The following SLC2A5 variants were observed in gnomAD, a reference collection of about 807,000 sequenced individuals.
SLC2A5 encodes the protein solute carrier family 2 member 5.
Under a neutral mutation model 50.3 loss-of-function variants are expected in SLC2A5, and 56 were observed. That is an observed-to-expected ratio of 1.11 (90% CI 0.90 to 1.39). The LOEUF (loss-of-function observed/expected upper bound fraction) is 1.39. Ranked by LOEUF, SLC2A5 falls within the 40% of genes most tolerant of loss-of-function variation. SLC2A5 has a pLI of 0.00. For missense variants in SLC2A5, 566 were observed against 650.1 expected (o/e 0.87, Z 1.41); for synonymous variants, 269 against 281.9 (o/e 0.95, Z 0.46).
chr1:9,071,295 AGCTACTTGGGAG>A (rs1260863286), upstream of SLC2A5, among the ~76,000 whole-genome samples: 2 of 152,172 alleles, frequency 1.3e-5, no homozygotes, highest in Non-Finnish European at 2.9e-5. Flanking sequence ...CTGTAATCCC[AGCTACTTGGGAG>A]GCTGAGGCAG....
At position 9,064,280 on chromosome 1, in the gene SLC2A5, A is replaced by ATTT. The variant is rs573194097; in HGVS notation, c.33+5221_33+5223dup. On this transcript the variant is annotated intron_variant, in intron 1 of 11. Coordinates refer to ENST00000377424, the MANE Select transcript of SLC2A5 (RefSeq NM_003039.3). ...CTTTCCAGGAGGGAGAACAAAAAGA[A>ATTT]TTTGGTACTGGGCTGGATTAGGGCA... Among the ~76,000 whole-genome samples, 656 of 152,226 alleles carry ATTT rather than the reference A, an allele frequency of 4.3e-3. 2 individuals carry two copies. Among genetic ancestry groups the ATTT allele is most frequent in the Non-Finnish European group, 7.0e-3 (475 of 68,004 alleles).
Position 9,035,406 on chromosome 1 carries a change from G to A in SLC2A5, c.*2180C>T, listed in dbSNP as rs1338821547. On this transcript the variant is annotated 3_prime_UTR_variant, in exon 12 of 12. Coordinates refer to ENST00000377424, the MANE Select transcript of SLC2A5 (RefSeq NM_003039.3). ...CAGGCTGCAGATCCTTGCTGCAGAAGGCCAAGGATGGTTCAACCACAGTGT... is the reference window on the plus strand; with the variant it reads ...CAGGCTGCAGATCCTTGCTGCAGAAAGCCAAGGATGGTTCAACCACAGTGT... 1 of 152,264 alleles carries A rather than the reference G, an allele frequency of 6.6e-6. No homozygotes were observed. The highest frequency in any genetic ancestry group is 1.5e-5 in the Non-Finnish European group (1 of 68,090). The allele number at this position is 152,264 out of a possible 1,614,324, so 9.4% of individuals were successfully genotyped here. A position where few individuals can be genotyped will look rare whatever the true frequency, so the allele number is the denominator to read the frequency against.
chr1:9,046,309 T>G (rs934353681), intron 4 of SLC2A5, among the ~76,000 whole-genome samples: 1 of 152,166 alleles, frequency 6.6e-6, no homozygotes, highest in Non-Finnish European at 1.5e-5. Context: ...CTGGCACGGC[T>G]CTACCCCTCA....
intron 2 of SLC2A5, among the ~76,000 whole-genome samples, chr1:9,077,593 A>AG (rs1408618979): frequency 1.3e-5 from 2 of 151,484 alleles, no homozygotes; most frequent in African/African-American, 2.4e-5. Context: ...ATACAAAAAA[A>AG]AAAAGAAAAA....
At position 9,057,727 on chromosome 1, in the gene SLC2A5, C is replaced by T. The variant is rs79114714; in HGVS notation, c.133-119G>A. 31,661 of 830,652 alleles carry T rather than the reference C, an allele frequency of 0.038. 756 individuals carry two copies. Among genetic ancestry groups the T allele is most frequent in the Middle Eastern group, 0.079 (260 of 3,282 alleles). 51.5% of individuals were successfully genotyped at this position (830,652 alleles called of 1,614,324 possible). A position where few individuals can be genotyped will look rare whatever the true frequency, so the allele number is the denominator to read the frequency against. On this transcript the variant is annotated intron_variant, in intron 2 of 11. Transcript: ENST00000377424. ...GCACACAGAGACCAACCTTATTAAC[C>T]GGGGGGTGATGGGAGGCAGGACAGA...
At chr1:9,044,439 GTT>G (rs1641388753) in intron 4 of SLC2A5, among the ~76,000 whole-genome samples, 1 of 152,208 alleles carries the variant, frequency 6.6e-6, no homozygotes. Context: ...CTGTGAGCAT[GTT>G]CCAGTAAAAG....
chr1:9,058,017 C>G, intron 2 of SLC2A5, 135 bp downstream of exon 2: 1 of 666,804 alleles, frequency 1.5e-6, no homozygotes, highest in Non-Finnish European at 2.7e-6. Context: ...CGGGTCTGTG[C>G]TGTGTCCGGA....
chr1:9,047,558 C>A, intron 4 of SLC2A5, 52 bp downstream of exon 4: 1 of 1,593,692 alleles, frequency 6.3e-7, no homozygotes, highest in Non-Finnish European at 8.6e-7. Flanking sequence ...AACCTGTTGT[C>A]CTCCTCCTTG....
chr1:9,075,500 C>T (rs1392649281), intron 2 of SLC2A5, among the ~76,000 whole-genome samples: 1 of 152,154 alleles, frequency 6.6e-6, no homozygotes, highest in Non-Finnish European at 1.5e-5. Flanking sequence ...CTACAACTGT[C>T]TTGGTAAATT....
At chr1:9,054,796 C>T (rs1186302142) in intron 3 of SLC2A5, among the ~76,000 whole-genome samples, 2 of 152,078 alleles carry the variant, frequency 1.3e-5, no homozygotes, top group African/African-American at 4.8e-5. Flanking sequence ...CCATGGCACA[C>T]ACCTATAGTT....
At chr1:9,042,409 A>ATG (rs375937742) in intron 4 of SLC2A5, among the ~76,000 whole-genome samples, 165 of 146,976 alleles carry the variant, frequency 1.1e-3, no homozygotes, top group African/African-American at 3.4e-3. Context: ...AAATATGTAT[A>ATG]TGTGTGTGTG....
At chr1:9,052,343 G>C (rs1382485128) in intron 3 of SLC2A5, among the ~76,000 whole-genome samples, 1 of 152,138 alleles carries the variant, frequency 6.6e-6, no homozygotes, top group Non-Finnish European at 1.5e-5. Flanking sequence ...ATGACATTCT[G>C]GGAAAGGCAA....
intron 11 of SLC2A5, 37 bp downstream of exon 11, chr1:9,037,860 G>T (rs780097000): frequency 6.2e-7 from 1 of 1,613,722 alleles, no homozygotes; most frequent in African/African-American, 1.3e-5. Flanking sequence ...ACTGCATGGG[G>T]ATCTGGTGGT....
chr1:9,074,974 A>T (rs1430821569), intron 2 of SLC2A5, among the ~76,000 whole-genome samples: 1 of 152,032 alleles, frequency 6.6e-6, no homozygotes. Context: ...GTGAGATGTG[A>T]CTGAGCCACA....
chr1:9,056,081 C>G (rs1641742425), intron 3 of SLC2A5, among the ~76,000 whole-genome samples: 1 of 152,200 alleles, frequency 6.6e-6, no homozygotes, highest in African/African-American at 2.4e-5. Flanking sequence ...AGGTCTGATT[C>G]TGACTGGAGG....
rs1354282363 is a variant in SLC2A5, at chr1:9,040,227, C to T, written c.572-38G>A. 6.5e-7 allele frequency: 1 copy of T among 1,537,532 alleles called. No homozygotes were observed. The highest frequency in any genetic ancestry group is 1.4e-5 in the African/African-American group (1 of 72,844). The stretch of plus-strand genomic sequence containing the variant: ...CAGCGAGCTGGCACCAGCGGCCTCC[C>T]CACCACCCCGAAGGCGCCCTCTGCA... On this transcript the variant is annotated intron_variant, in intron 5 of 11. Transcript: ENST00000377424. This position sits in a 1 kb window ranked among gnomAD's most constrained non-coding sequence, Gnocchi z 4.3.
At position 9,076,390 on chromosome 1, in the gene SLC2A5, T is replaced by C. The variant is rs542956071; in HGVS notation, c.-58-6796A>G. 1.1e-3 allele frequency among the ~76,000 whole-genome samples: 164 copies of C among 152,352 alleles called. 1 individual carries two copies. The highest frequency in any genetic ancestry group is 3.8e-3 in the African/African-American group (160 of 41,580). ...GCTGTGCTTATCAAGACTGCATTTA[T>C]ACTTGTTTGTGTTCAGATTGTAAAA... On this transcript the variant is annotated intron_variant, in intron 2 of 5. Transcript: ENST00000464985.
Position 9,040,023 on chromosome 1 carries a change from G to A in SLC2A5, c.698-36C>T, listed in dbSNP as rs1185315087. 2 of 1,589,580 alleles carry A rather than the reference G, an allele frequency of 1.3e-6. No individual in the cohort carries two copies. The highest frequency in any genetic ancestry group is 1.1e-5 in the South Asian group (1 of 89,288). ...GCGGCACCGTCGGACCAGGGCTGGG[G>A]AGCAGAACCTGGAGGCCGCCCCCGC... On this transcript the variant is annotated intron_variant, in intron 6 of 11. Transcript: ENST00000377424. The surrounding 1 kb of genome is among the most constrained non-coding windows in gnomAD (Gnocchi z 4.3).
At chr1:9,072,254 G>A (rs1453900422), upstream of SLC2A5, 2 of 152,396 alleles carry the variant, frequency 1.3e-5, no homozygotes, top group Non-Finnish European at 2.9e-5. Flanking sequence ...GGAGGAGGGG[G>A]ATGGCAGCGG....
Sources: gnomAD v4.1 joint callset for allele counts (sites outside exome capture counted in the v4.1 genomes callset) on GRCh38, gnomAD v4.1.1 for gene constraint, Gnocchi (gnomAD v3.1) non-coding constraint, MANE v1.5 for transcripts, NCBI Gene and HGNC (gene_info 2026-07-23, HGNC 2026-07-21) for gene names.